Variants in CNST observed in about 807,000 individuals in gnomAD.
The protein encoded by CNST is consortin, connexin sorting protein, also known as consortin.
In CNST, 39 loss-of-function variants were observed where a neutral mutation model predicts 72.4. The observed-to-expected ratio is 0.54, with a 90% CI of 0.42 to 0.70. CNST has a LOEUF of 0.70. Among genes scored for constraint, CNST ranks in the 30% least tolerant of loss-of-function variants. The pLI is 0.00. For missense variants in CNST, 871 were observed against 868.5 expected, an observed-to-expected ratio of 1.00 and a Z score of -0.04; for synonymous variants, 332 against 320.1, an observed-to-expected ratio of 1.04 and a Z score of -0.40.
At chr1:246,574,292 C>T (rs991847510) in intron 1 of CNST, among the ~76,000 whole-genome samples, 4 of 152,218 alleles carry the variant, frequency 2.6e-5, no homozygotes, top group East Asian at 1.9e-4. Context: ...CCGCCCGCCT[C>T]GGCCTCCCAA....
chr1:246,634,445 C>T (rs1406794954), intron 5 of CNST, 28 bp from the exon 6 acceptor site: 2 of 1,327,872 alleles, frequency 1.5e-6, no homozygotes, highest in African/African-American at 1.5e-5. Flanking sequence ...TTATAAGAGC[C>T]AGTGACTAAC....
intron 10 of CNST, among the ~76,000 whole-genome samples, chr1:246,660,723 A>C (rs1667055370): frequency 6.6e-6 from 1 of 152,202 alleles, no homozygotes; most frequent in Non-Finnish European, 1.5e-5. Context: ...GCTCCATCTC[A>C]AAAAATAAAT....
chr1:246,615,219 A>C (rs1421807370), intron 2 of CNST, among the ~76,000 whole-genome samples: 1 of 152,158 alleles, frequency 6.6e-6, no homozygotes, highest in Non-Finnish European at 1.5e-5. Context: ...TCTGTCACCC[A>C]GGCTGGAGCG....
intron 2 of CNST, among the ~76,000 whole-genome samples, chr1:246,618,985 A>G (rs189298971): frequency 4.6e-5 from 7 of 152,286 alleles, no homozygotes; most frequent in Admixed American, 4.6e-4. Context: ...TTTTACTAAA[A>G]ACAAGCATCA....
intron 2 of CNST, among the ~76,000 whole-genome samples, chr1:246,612,730 A>G (rs990166372): frequency 1.1e-4 from 16 of 152,072 alleles, no homozygotes; most frequent in African/African-American, 3.4e-4. Flanking sequence ...CTAAAAAAAT[A>G]CATACAAAAA....
intron 7 of CNST, 83 bp downstream of exon 7, chr1:246,641,853 A>G (rs1665713293): frequency 1.5e-6 from 2 of 1,297,708 alleles, no homozygotes; most frequent in Admixed American, 3.9e-5. Flanking sequence ...TTGGAAAATG[A>G]GGAAACCTTT....
chr1:246,586,399 A>G (rs575830257), intron 1 of CNST, among the ~76,000 whole-genome samples: 13 of 147,556 alleles, frequency 8.8e-5, no homozygotes, highest in Non-Finnish European at 1.9e-4. Flanking sequence ...TATATCAAAT[A>G]TATAACATAT....
At position 246,591,645 on chromosome 1, in the gene CNST, G is replaced by C; in HGVS notation, c.83G>C (p.Ser28Thr). Residue 28 changes from serine (S) to threonine (T), a missense_variant, in exon 2 of 11, where the codon AGT (serine) becomes ACT (threonine). Coordinates refer to ENST00000366513, the MANE Select transcript of CNST (RefSeq NM_152609.3). ...GCHPGDSVER[S>T]VTCLPSASDE... ...CATCCTGGTGACAGCGTGGAAAGGAGTGTGACCTGTCTGCCTTCTGCATCA... is the reference window on the plus strand; with the variant it reads ...CATCCTGGTGACAGCGTGGAAAGGACTGTGACCTGTCTGCCTTCTGCATCA... 6.2e-7 allele frequency: 1 copy of C among 1,614,202 alleles called. No individual in the cohort carries two copies. Among genetic ancestry groups the C allele is most frequent in the African/African-American group, 1.3e-5 (1 of 75,040 alleles).
intron 3 of CNST, among the ~76,000 whole-genome samples, chr1:246,628,151 C>A (rs963847204): frequency 6.6e-5 from 10 of 152,244 alleles, no homozygotes; most frequent in African/African-American, 2.2e-4. Flanking sequence ...TATTCCCTGG[C>A]AGCTGATTAG....
chr1:246,592,498 AAAG>A (rs1449981137), intron 2 of CNST, among the ~76,000 whole-genome samples: 8 of 152,252 alleles, frequency 5.3e-5, no homozygotes, highest in Non-Finnish European at 1.0e-4. Flanking sequence ...AAAAAAAAGA[AAAG>A]AAAAAGTGCT....
intron 1 of CNST, among the ~76,000 whole-genome samples, chr1:246,578,015 A>G (rs183632208): frequency 4.6e-5 from 7 of 152,200 alleles, no homozygotes; most frequent in Admixed American, 1.3e-4. Flanking sequence ...CTTTAGAGAT[A>G]TAACCATTTT....
intron 2 of CNST, among the ~76,000 whole-genome samples, chr1:246,619,771 T>C (rs1248397903): frequency 1.3e-5 from 2 of 152,256 alleles, no homozygotes; most frequent in Admixed American, 6.5e-5. Flanking sequence ...GGGTTTCACA[T>C]TCAAATCCAA....
chr1:246,617,038 A>G (rs779187825), intron 2 of CNST, among the ~76,000 whole-genome samples: 8 of 152,164 alleles, frequency 5.3e-5, no homozygotes, highest in Non-Finnish European at 1.2e-4. Flanking sequence ...AACTCACAGC[A>G]CATCAGTCTA....
intron 2 of CNST, among the ~76,000 whole-genome samples, chr1:246,598,174 G>A (rs972336527): frequency 1.3e-3 from 189 of 149,796 alleles, no homozygotes; most frequent in African/African-American, 3.9e-3. Flanking sequence ...TTGTAGTGGC[G>A]GGTTTTTGTC....
intron 3 of CNST, among the ~76,000 whole-genome samples, chr1:246,624,916 A>C (rs1664317787): frequency 6.6e-6 from 1 of 152,184 alleles, no homozygotes; most frequent in Admixed American, 6.5e-5. Flanking sequence ...GACCTCCCAA[A>C]GTGCTGGGAT....
chr1:246,637,331 G>A (rs1018143728), intron 6 of CNST, among the ~76,000 whole-genome samples: 2 of 152,190 alleles, frequency 1.3e-5, no homozygotes, highest in African/African-American at 4.8e-5. Context: ...CAATAAACAC[G>A]TCTGTGCCTG....
rs147426787 is a variant in CNST, at chr1:246,591,630, A to T, written c.68A>T (p.Asp23Val). 1 of 1,614,114 alleles carries T rather than the reference A, an allele frequency of 6.2e-7. No homozygotes were observed. Among genetic ancestry groups the T allele is most frequent in the South Asian group, 1.1e-5 (1 of 91,090 alleles). ...IEPQDGCHPG[D>V]SVERSVTCLP... ...CCACAAGATGGATGTCATCCTGGTG[A>T]CAGCGTGGAAAGGAGTGTGACCTGT... Residue 23 changes from aspartate (D) to valine (V), a missense_variant, in exon 2 of 11, where the codon GAC (aspartate) becomes GTC (valine). Asp to Val is a radical substitution (Grantham distance 152). Transcript: ENST00000366513.
At chr1:246,580,234 AC>A (rs1374424619) in intron 1 of CNST, among the ~76,000 whole-genome samples, 2 of 151,960 alleles carry the variant, frequency 1.3e-5, no homozygotes, top group Non-Finnish European at 1.5e-5. Context: ...AATCTCTTGT[AC>A]CTTTTTTTGA....
chr1:246,641,469 GGTT>G (rs2103119528), intron 6 of CNST, among the ~76,000 whole-genome samples: 1 of 152,266 alleles, frequency 6.6e-6, no homozygotes, highest in South Asian at 2.1e-4. Context: ...ATTAGCAAAA[GGTT>G]GTCATTCTTC....
Sources: gnomAD v4.1 joint callset for allele counts (sites outside exome capture counted in the v4.1 genomes callset) on GRCh38, gnomAD v4.1.1 for gene constraint, MANE v1.5 for transcripts, NCBI Gene and HGNC (gene_info 2026-07-23, HGNC 2026-07-21) for gene names.